FSTL4: variants seen among roughly 807,000 people sequenced by gnomAD.
FSTL4 encodes follistatin like 4.
FSTL4 carries 28 observed loss-of-function variants against 78.2 expected under a neutral mutation model. The ratio of observed to expected loss-of-function variants is 0.36; its 90% CI spans 0.27 to 0.49. FSTL4 has a LOEUF of 0.49. Ranked by LOEUF, FSTL4 falls within the 20% of genes least tolerant of loss-of-function variation. FSTL4 has a pLI of 0.98. For missense variants in FSTL4, 922 were observed against 1,084.9 expected (o/e 0.85, Z 2.11); for synonymous variants, 422 against 440.5 (o/e 0.96, Z 0.53).
In FSTL4 at chr5:133,594,489, G is replaced by A. The variant is rs145665851; in HGVS notation, c.126+9369C>T. On this transcript the variant is annotated intron_variant, in intron 2 of 15. Coordinates refer to ENST00000265342, the MANE Select transcript of FSTL4 (RefSeq NM_015082.2). ...ATTACAGGCATGAGCTACTGCACCCGGCCAGAAGCCTGCTCTTCACTCTTC... is the reference window on the plus strand; with the variant it reads ...ATTACAGGCATGAGCTACTGCACCCAGCCAGAAGCCTGCTCTTCACTCTTC... Among the ~76,000 whole-genome samples, 442 of 152,274 alleles carry A rather than the reference G, an allele frequency of 2.9e-3. 7 individuals carry two copies. The highest frequency in any genetic ancestry group is 0.027 in the Admixed American group (410 of 15,300).
intron 11 of FSTL4, among the ~76,000 whole-genome samples, chr5:133,223,424 G>T (rs1299084914): frequency 6.6e-6 from 1 of 152,198 alleles, no homozygotes; most frequent in Non-Finnish European, 1.5e-5. Context: ...GGGAGATTTT[G>T]TGCTTAACCC....
At chr5:133,276,798 A>C (rs1429452073) in intron 6 of FSTL4, among the ~76,000 whole-genome samples, 1 of 152,214 alleles carries the variant, frequency 6.6e-6, no homozygotes, top group Non-Finnish European at 1.5e-5. Context: ...TAATTTTCCC[A>C]AACTGGAAAC....
the FSTL4 span, among the ~76,000 whole-genome samples, chr5:133,838,273 T>G: frequency 6.6e-6 from 1 of 152,244 alleles, no homozygotes; most frequent in East Asian, 1.9e-4. Flanking sequence ...AACTCATTTT[T>G]TATTTAATTT....
chr5:133,734,853 C>A, the FSTL4 span, among the ~76,000 whole-genome samples: 1 of 152,146 alleles, frequency 6.6e-6, no homozygotes, highest in African/African-American at 2.4e-5. Context: ...CTCTGCCTTT[C>A]CATGTCTGTC....
At chr5:133,835,914 T>C in the FSTL4 span, among the ~76,000 whole-genome samples, 1 of 152,372 alleles carries the variant, frequency 6.6e-6, no homozygotes, top group South Asian at 2.1e-4. Flanking sequence ...TTTGGATTTG[T>C]TATAGATTCC....
chr5:133,514,089 G>A (rs1245460177), intron 3 of FSTL4, among the ~76,000 whole-genome samples: 1 of 151,798 alleles, frequency 6.6e-6, no homozygotes. Context: ...TGAGGCAGGA[G>A]AATGGCGTGA....
At position 133,198,108 on chromosome 5, in the gene FSTL4, TTGGGGTTTC is replaced by T. The variant is rs1750197159; in HGVS notation, c.*978_*986del. 2 of 152,720 alleles carry T rather than the reference TTGGGGTTTC, an allele frequency of 1.3e-5. No individual in the cohort carries two copies. The highest frequency in any genetic ancestry group is 2.9e-5 in the Non-Finnish European group (2 of 68,108). The allele number at this position is 152,720 out of a possible 1,614,324, so 9.5% of individuals were successfully genotyped here. On this transcript the variant is annotated 3_prime_UTR_variant, in exon 16 of 16. Coordinates refer to ENST00000265342, the MANE Select transcript of FSTL4 (RefSeq NM_015082.2). ...AACTCACCTGGCCCCACTCGTGTCC[TTGGGGTTTC>T]TGCATTGAGCCTGGAGGCCACCCAT...
the FSTL4 span, among the ~76,000 whole-genome samples, chr5:133,716,264 A>G: frequency 1.3e-5 from 2 of 152,166 alleles, no homozygotes; most frequent in Admixed American, 1.3e-4. Flanking sequence ...AGGACAAGTG[A>G]GCTTAGAATC....
Position 133,485,697 on chromosome 5 carries a change from A to C in FSTL4, c.160+81489T>G, listed in dbSNP as rs560855598. ...GGAGGCACTCCTTCAGGCTGCAGCA[A>C]CGTTCGGGTCCTCGGCAAGCACTCT... On this transcript the variant is annotated intron_variant, in intron 3 of 15. Coordinates refer to ENST00000265342, the MANE Select transcript of FSTL4 (RefSeq NM_015082.2). Among the ~76,000 whole-genome samples, 3 of 152,310 alleles carry C rather than the reference A, an allele frequency of 2.0e-5. No individual in the cohort carries two copies. In the East Asian group the frequency reaches 5.8e-4, roughly 29 times the overall value.
chr5:133,786,462 G>A, the FSTL4 span, among the ~76,000 whole-genome samples: 25 of 152,136 alleles, frequency 1.6e-4, no homozygotes, highest in Non-Finnish European at 3.2e-4. Flanking sequence ...AATGATCTAT[G>A]TCCTCGTATA....
At chr5:133,574,479 T>C (rs1414353165) in intron 2 of FSTL4, among the ~76,000 whole-genome samples, 4 of 152,346 alleles carry the variant, frequency 2.6e-5, no homozygotes, top group East Asian at 3.9e-4. Context: ...TATTGCAGTG[T>C]TTCCTTTTCC....
intron 4 of FSTL4, among the ~76,000 whole-genome samples, chr5:133,343,129 G>C (rs60440991): frequency 0.016 from 2,494 of 152,276 alleles, 63 homozygotes; most frequent in African/African-American, 0.056. Context: ...CAAGGGCTCA[G>C]GCCACTTGTC....
chr5:133,748,964 G>A, the FSTL4 span, among the ~76,000 whole-genome samples: 67 of 152,334 alleles, frequency 4.4e-4, no homozygotes, highest in Admixed American at 1.0e-3. Flanking sequence ...TGGGTAAAGA[G>A]CAGATGCATG....
At position 133,523,607 on chromosome 5, in the gene FSTL4, T is replaced by A. The variant is rs143346674; in HGVS notation, c.160+43579A>T. Among the ~76,000 whole-genome samples the A allele has an allele frequency of 6.2e-3, 943 of 152,344 alleles. 8 individuals are homozygous for A. Among genetic ancestry groups the A allele is most frequent in the African/African-American group, 0.02 (827 of 41,574 alleles). ...AACATTTGTGAATCTTGGTTTTTTT[T>A]AATATGTTTTTATATGTAAAGTGAG... On this transcript the variant is annotated intron_variant, in intron 3 of 15. Transcript: ENST00000265342.
At chr5:133,705,451 G>T in the FSTL4 span, among the ~76,000 whole-genome samples, 1 of 152,168 alleles carries the variant, frequency 6.6e-6, no homozygotes, top group Non-Finnish European at 1.5e-5. Context: ...CTGGAATGGT[G>T]GGACCCTGGC....
chr5:133,535,359 G>A (rs1561460610), intron 3 of FSTL4, among the ~76,000 whole-genome samples: 1 of 152,356 alleles, frequency 6.6e-6, no homozygotes, highest in East Asian at 1.9e-4. Context: ...GAAGGTTGTG[G>A]GTTTAAGGGA....
intron 13 of FSTL4, among the ~76,000 whole-genome samples, chr5:133,213,110 C>T (rs1419782855): frequency 6.6e-6 from 1 of 150,854 alleles, no homozygotes; most frequent in Non-Finnish European, 1.5e-5. Context: ...TCAAGTGATT[C>T]TCCTGTTTCA....
chr5:133,735,383 G>C, the FSTL4 span, among the ~76,000 whole-genome samples: 3 of 152,132 alleles, frequency 2.0e-5, no homozygotes, highest in Non-Finnish European at 2.9e-5. Flanking sequence ...AAAATCACTT[G>C]AACCAGGGAG....
the FSTL4 span, among the ~76,000 whole-genome samples, chr5:133,690,719 A>G: frequency 6.6e-6 from 1 of 152,238 alleles, no homozygotes; most frequent in Non-Finnish European, 1.5e-5. Flanking sequence ...GTGGCTATGC[A>G]TATACAACCT....
Sources: gnomAD v4.1 joint callset for allele counts (sites outside exome capture counted in the v4.1 genomes callset) on GRCh38, gnomAD v4.1.1 for gene constraint, MANE v1.5 for transcripts, NCBI Gene and HGNC (gene_info 2026-07-23, HGNC 2026-07-21) for gene names.